Variants in AGBL1 observed in about 807,000 individuals in gnomAD.
AGBL1 encodes the protein cytosolic carboxypeptidase 4.
A neutral mutation model predicts 118.9 loss-of-function variants in AGBL1; 130 were observed. The observed-to-expected ratio is 1.09, with a 90% CI of 0.95 to 1.26. The LOEUF (loss-of-function observed/expected upper bound fraction) is 1.26, where lower values mean the gene tolerates loss of function less well. Ranked by LOEUF, AGBL1 falls within the 50% of genes most tolerant of loss-of-function variation. The pLI is 0.00. For synonymous variants in AGBL1, 555 were observed against 478.9 expected (o/e 1.16, Z -2.08); for missense variants, 1,584 against 1,298.1 (o/e 1.22, Z -3.38).
At chr15:86,734,088 G>A (rs1215234089) in intron 22 of AGBL1, among the ~76,000 whole-genome samples, 2 of 152,150 alleles carry the variant, frequency 1.3e-5, no homozygotes, top group African/African-American at 2.4e-5. Context: ...CCCTGTTCTA[G>A]GCAGTTTGCA....
chr15:86,700,855 C>T (rs1003851576), intron 22 of AGBL1, among the ~76,000 whole-genome samples: 3 of 151,988 alleles, frequency 2.0e-5, no homozygotes, highest in Non-Finnish European at 2.9e-5. Context: ...TCGATTCATC[C>T]AAGTGAAAAT....
chr15:86,857,547 T>A (rs2141472737), intron 22 of AGBL1, among the ~76,000 whole-genome samples: 1 of 152,342 alleles, frequency 6.6e-6, no homozygotes, highest in Middle Eastern at 3.4e-3. Context: ...CCTGGCTAAC[T>A]ATTCCTTACT....
At chr15:86,965,456 TC>T (rs1417515316) in intron 23 of AGBL1, among the ~76,000 whole-genome samples, 2 of 152,136 alleles carry the variant, frequency 1.3e-5, no homozygotes, top group African/African-American at 4.8e-5. Context: ...TCTGTTCATA[TC>T]CTTTGCCCAC....
At chr15:86,765,806 A>G (rs2078089587) in intron 22 of AGBL1, among the ~76,000 whole-genome samples, 1 of 151,942 alleles carries the variant, frequency 6.6e-6, no homozygotes, top group African/African-American at 2.4e-5. Context: ...ATAATTTATA[A>G]CCAAAGGACA....
At chr15:86,178,601 C>G (rs2077513211) in intron 5 of AGBL1, among the ~76,000 whole-genome samples, 1 of 152,078 alleles carries the variant, frequency 6.6e-6, no homozygotes, top group African/African-American at 2.4e-5. Flanking sequence ...TAAATTATCC[C>G]CACAAAGAAA....
intron 22 of AGBL1, among the ~76,000 whole-genome samples, chr15:86,769,307 T>C (rs116815047): frequency 2.6e-5 from 4 of 152,050 alleles, no homozygotes; most frequent in African/African-American, 9.6e-5. Flanking sequence ...GAGTTCTGTA[T>C]CTTCATTATC....
chr15:86,990,326 C>A (rs1023017992), intron 24 of AGBL1, among the ~76,000 whole-genome samples: 2 of 152,086 alleles, frequency 1.3e-5, no homozygotes. Flanking sequence ...ACCAGCCTGA[C>A]CAACAAGGTG....
chr15:86,473,776 C>A (rs991756193), intron 18 of AGBL1, among the ~76,000 whole-genome samples: 2 of 152,110 alleles, frequency 1.3e-5, no homozygotes, highest in African/African-American at 2.4e-5. Flanking sequence ...TCTAGTGTTG[C>A]ACTGTTGCCA....
chr15:86,322,102 A>G (rs549660211), intron 17 of AGBL1, among the ~76,000 whole-genome samples: 1 of 150,620 alleles, frequency 6.6e-6, no homozygotes. Flanking sequence ...TCTCGTGTGC[A>G]TGAAAGGAAT....
chr15:86,266,630 C>A (rs1241521782), intron 12 of AGBL1, among the ~76,000 whole-genome samples, 173 bp downstream of exon 12: 1 of 152,228 alleles, frequency 6.6e-6, no homozygotes, highest in East Asian at 1.9e-4. Flanking sequence ...CGGCCAGGCG[C>A]AGTGGCTCAC....
chr15:86,444,230 T>G (rs2082096406), intron 18 of AGBL1, among the ~76,000 whole-genome samples: 1 of 152,228 alleles, frequency 6.6e-6, no homozygotes, highest in African/African-American at 2.4e-5. Flanking sequence ...TTTTGATATA[T>G]CTGTTGGAGA....
chr15:86,670,691 A>G (rs547825848), intron 21 of AGBL1, among the ~76,000 whole-genome samples: 250 of 150,076 alleles, frequency 1.7e-3, no homozygotes, highest in African/African-American at 5.9e-3. Flanking sequence ...AGAATAGTAC[A>G]TATATATTAC....
chr15:86,957,718 A>T (rs963051489), intron 23 of AGBL1, among the ~76,000 whole-genome samples: 3 of 152,136 alleles, frequency 2.0e-5, no homozygotes, highest in African/African-American at 7.2e-5. Flanking sequence ...AAACAAATGT[A>T]GATTTATCCC....
intron 24 of AGBL1, among the ~76,000 whole-genome samples, chr15:87,015,661 C>T (rs1040633405): frequency 1.3e-5 from 2 of 152,040 alleles, no homozygotes; most frequent in Admixed American, 1.3e-4. Context: ...TCTCCTAAAG[C>T]ATTTTATGGC....
At chr15:86,226,660 C>T (rs938229789) in intron 6 of AGBL1, among the ~76,000 whole-genome samples, 1 of 152,208 alleles carries the variant, frequency 6.6e-6, no homozygotes, top group Non-Finnish European at 1.5e-5. Flanking sequence ...TTGATTCAGG[C>T]TCAGACCGTG....
At chr15:86,606,982 C>CCCTTTCCCAAAA in intron 21 of AGBL1, among the ~76,000 whole-genome samples, 1 of 38,884 alleles carries the variant, frequency 2.6e-5, no homozygotes, top group East Asian at 2.9e-3. Flanking sequence ...TTCCTTCTTT[C>CCCTTTCCCAAAA]CCTTGGTGGA....
chr15:86,241,425 G>A (rs1000170702), intron 6 of AGBL1, among the ~76,000 whole-genome samples: 1 of 152,166 alleles, frequency 6.6e-6, no homozygotes, highest in Non-Finnish European at 1.5e-5. Context: ...ATTTACAGAT[G>A]ATGGAAATTC....
chr15:86,884,613 A>C (rs1158067180), intron 22 of AGBL1, among the ~76,000 whole-genome samples: 1 of 152,196 alleles, frequency 6.6e-6, no homozygotes, highest in Non-Finnish European at 1.5e-5. Flanking sequence ...GGAGTTGGAG[A>C]CCAGCCTGGA....
At chr15:86,633,691 T>G (rs946863378) in intron 21 of AGBL1, among the ~76,000 whole-genome samples, 2 of 150,898 alleles carry the variant, frequency 1.3e-5, no homozygotes, top group African/African-American at 4.9e-5. Flanking sequence ...GTCTTATATT[T>G]CAAACATATT....
Sources: gnomAD v4.1 joint callset for allele counts (sites outside exome capture counted in the v4.1 genomes callset) on GRCh38, gnomAD v4.1.1 for gene constraint, MANE v1.5 for transcripts, NCBI Gene and HGNC (gene_info 2026-07-23, HGNC 2026-07-21) for gene names.